NAALADL2: variants seen among roughly 807,000 people sequenced by gnomAD.
NAALADL2 encodes the protein N-acetylated alpha-linked acidic dipeptidase like 2, also known as inactive N-acetylated-alpha-linked acidic dipeptidase-like protein 2.
A neutral mutation model predicts 87.2 loss-of-function variants in NAALADL2; 76 were observed. The observed-to-expected ratio is 0.87, with a 90% confidence interval of 0.72 to 1.05. The LOEUF is 1.05. NAALADL2 is among the 50% of genes least tolerant of loss of function. NAALADL2 has a pLI of 0.00. For missense variants in NAALADL2, 1,089 were observed against 945.8 expected (o/e 1.15, Z -1.99); for synonymous variants, 354 against 331.0 (o/e 1.07, Z -0.75).
At chr3:174,863,036 T>G (rs2222447) in intron 1 of NAALADL2, among the ~76,000 whole-genome samples, 107,376 of 151,926 alleles carry the variant, frequency 0.71, 38,784 homozygotes, top group African/African-American at 0.86. Context: ...AGGAGAATTT[T>G]GCCATCACAG....
chr3:175,519,522 T>C (rs1732331451), intron 9 of NAALADL2, among the ~76,000 whole-genome samples: 1 of 152,208 alleles, frequency 6.6e-6, no homozygotes, highest in Non-Finnish European at 1.5e-5. Flanking sequence ...AATATGTCCA[T>C]TTGCAGAATA....
At chr3:175,667,233 AAG>A (rs1367914200) in intron 11 of NAALADL2, among the ~76,000 whole-genome samples, 242 of 110,154 alleles carry the variant, frequency 2.2e-3, no homozygotes, top group African/African-American at 5.8e-3. Flanking sequence ...GAAAGAAAGA[AAG>A]AAAGAAAAAG....
chr3:175,437,695 A>G (rs529843362), intron 5 of NAALADL2, among the ~76,000 whole-genome samples: 21 of 151,868 alleles, frequency 1.4e-4, no homozygotes, highest in Non-Finnish European at 8.8e-5. Flanking sequence ...ACCTGACTTC[A>G]AACTATACTA....
At chr3:175,643,009 C>G (rs1729508523) in intron 11 of NAALADL2, among the ~76,000 whole-genome samples, 1 of 152,026 alleles carries the variant, frequency 6.6e-6, no homozygotes, top group Non-Finnish European at 1.5e-5. Flanking sequence ...GAAAGGAAAT[C>G]CAGAGATATA....
intron 3 of NAALADL2, among the ~76,000 whole-genome samples, chr3:174,836,576 G>A (rs894220355): frequency 6.6e-6 from 1 of 151,998 alleles, no homozygotes; most frequent in African/African-American, 2.4e-5. Context: ...GGACATGGTG[G>A]TGGGTGCCTG....
intron 1 of NAALADL2, among the ~76,000 whole-genome samples, chr3:174,867,065 T>C (rs532153387): frequency 6.6e-6 from 1 of 151,970 alleles, no homozygotes; most frequent in Non-Finnish European, 1.5e-5. Flanking sequence ...TAAGTTGGTA[T>C]GTAGGTAATA....
At chr3:175,610,558 T>G (rs1156663697) in intron 10 of NAALADL2, among the ~76,000 whole-genome samples, 1 of 152,146 alleles carries the variant, frequency 6.6e-6, no homozygotes, top group African/African-American at 2.4e-5. Context: ...CATTATTTAC[T>G]ATGTTGAATT....
chr3:175,611,512 T>C (rs1216904297), intron 10 of NAALADL2, among the ~76,000 whole-genome samples: 1 of 152,050 alleles, frequency 6.6e-6, no homozygotes, highest in East Asian at 1.9e-4. Context: ...AAAGAGGCAA[T>C]TTGTTTTAAG....
chr3:174,659,825 G>C (rs1725342706), intron 2 of NAALADL2, among the ~76,000 whole-genome samples: 1 of 152,076 alleles, frequency 6.6e-6, no homozygotes, highest in Non-Finnish European at 1.5e-5. Flanking sequence ...CAGTAATCCT[G>C]CCCTGTCCTC....
chr3:175,643,124 G>C (rs992992357), intron 11 of NAALADL2, among the ~76,000 whole-genome samples: 2 of 152,150 alleles, frequency 1.3e-5, no homozygotes, highest in African/African-American at 4.8e-5. Flanking sequence ...GTGTTTTAGA[G>C]TAGTTGGAGA....
intron 5 of NAALADL2, among the ~76,000 whole-genome samples, chr3:175,345,486 C>G (rs1258488051): frequency 6.6e-6 from 1 of 152,054 alleles, no homozygotes; most frequent in Non-Finnish European, 1.5e-5. Flanking sequence ...AGAGAATGAG[C>G]GTGTGATGCA....
intron 1 of NAALADL2, among the ~76,000 whole-genome samples, chr3:174,915,374 C>T (rs1370432027): frequency 1.3e-5 from 2 of 152,116 alleles, no homozygotes; most frequent in Admixed American, 6.6e-5. Context: ...GTTGCTGTCT[C>T]CTCCCTGTCA....
chr3:175,539,212 C>A (rs1430463049), intron 9 of NAALADL2, among the ~76,000 whole-genome samples: 1 of 152,142 alleles, frequency 6.6e-6, no homozygotes, highest in Non-Finnish European at 1.5e-5. Flanking sequence ...ACTAGCATTA[C>A]CAACTGGTAA....
intron 2 of NAALADL2, among the ~76,000 whole-genome samples, chr3:175,228,364 T>A (rs1744456862): frequency 6.6e-6 from 1 of 151,986 alleles, no homozygotes; most frequent in Non-Finnish European, 1.5e-5. Context: ...TACAAAGAAA[T>A]CATGTCTAAG....
Position 175,803,333 on chromosome 3 carries a change from A to G in NAALADL2, c.*130A>G. 1 of 501,144 alleles carries G rather than the reference A, an allele frequency of 2.0e-6. No individual in the cohort carries two copies. Among genetic ancestry groups the G allele is most frequent in the Non-Finnish European group, 3.4e-6 (1 of 293,900 alleles). The allele number at this position is 501,144 out of a possible 1,614,324, so 31.0% of individuals were successfully genotyped here. A position where few individuals can be genotyped will look rare whatever the true frequency, so the allele number is the denominator to read the frequency against. Reference sequence around the variant, plus strand: ...TTGACAAGTATAAAGCTATTATTACATTGTATTTTTTAAATGTAAATATAG... The same window carrying G: ...TTGACAAGTATAAAGCTATTATTACGTTGTATTTTTTAAATGTAAATATAG... On this transcript the variant is annotated 3_prime_UTR_variant, in exon 14 of 14. Coordinates refer to ENST00000454872, the MANE Select transcript of NAALADL2 (RefSeq NM_207015.3).
intron 3 of NAALADL2, among the ~76,000 whole-genome samples, chr3:174,781,834 G>A (rs1282086569): frequency 6.6e-6 from 1 of 152,066 alleles, no homozygotes; most frequent in East Asian, 1.9e-4. Context: ...TTGTGCAAGG[G>A]AGGATGGTTT....
chr3:175,654,459 A>G (rs1731185272), intron 11 of NAALADL2, among the ~76,000 whole-genome samples: 2 of 152,162 alleles, frequency 1.3e-5, no homozygotes, highest in Admixed American at 1.3e-4. Flanking sequence ...CAAATTCTCC[A>G]GCCTTAGATC....
At chr3:175,236,327 C>G (rs1021495889) in intron 3 of NAALADL2, among the ~76,000 whole-genome samples, 1 of 151,852 alleles carries the variant, frequency 6.6e-6, no homozygotes, top group Non-Finnish European at 1.5e-5. Flanking sequence ...GGGTGGATCA[C>G]CTGAGGTTAG....
intron 3 of NAALADL2, among the ~76,000 whole-genome samples, chr3:174,741,406 A>T (rs1231499747): frequency 1.3e-5 from 2 of 151,722 alleles, no homozygotes; most frequent in Non-Finnish European, 3.0e-5. Flanking sequence ...AATAATATAA[A>T]AAAGCATACA....
Sources: gnomAD v4.1 joint callset for allele counts (sites outside exome capture counted in the v4.1 genomes callset) on GRCh38, gnomAD v4.1.1 for gene constraint, MANE v1.5 for transcripts, NCBI Gene and HGNC (gene_info 2026-07-23, HGNC 2026-07-21) for gene names.